The following DISC1 variants were observed in gnomAD, a reference collection of about 807,000 sequenced individuals.
The protein encoded by DISC1 is DISC1 scaffold protein.
In DISC1, 57 loss-of-function variants were observed where a neutral mutation model predicts 84.5. That is an observed-to-expected ratio of 0.67 (90% confidence interval 0.55 to 0.84). The LOEUF (loss-of-function observed/expected upper bound fraction) is 0.84. Ranked by LOEUF, DISC1 falls within the 40% of genes least tolerant of loss-of-function variation. The pLI is 0.00. For missense variants in DISC1, 1,000 were observed against 1,057.8 expected, an observed-to-expected ratio of 0.95 and a Z score of 0.76; for synonymous variants, 411 against 415.2, an observed-to-expected ratio of 0.99 and a Z score of 0.12.
chr1:231,654,159 G>A (rs1026152676), intron 1 of DISC1, among the ~76,000 whole-genome samples: 3 of 152,140 alleles, frequency 2.0e-5, no homozygotes, highest in South Asian at 2.1e-4. Context: ...AGGGGAGTCC[G>A]CCATCTTAGG....
chr1:231,746,285 C>T (rs1185615638), intron 3 of DISC1, among the ~76,000 whole-genome samples: 1 of 152,198 alleles, frequency 6.6e-6, no homozygotes, highest in Non-Finnish European at 1.5e-5. Flanking sequence ...GACAGGATTT[C>T]ATTCTTAATG....
chr1:231,691,201 CG>C (rs1177634956), intron 1 of DISC1, among the ~76,000 whole-genome samples: 7 of 151,976 alleles, frequency 4.6e-5, no homozygotes, highest in African/African-American at 1.4e-4. Flanking sequence ...GAGGCCTAGG[CG>C]GGGGGATCAC....
At chr1:231,774,989 A>C (rs190738113) in intron 6 of DISC1, among the ~76,000 whole-genome samples, 61 of 152,354 alleles carry the variant, frequency 4.0e-4, no homozygotes, top group Non-Finnish European at 5.6e-4. Flanking sequence ...AGCTGCCTTC[A>C]TTGTTCATGA....
intron 9 of DISC1, among the ~76,000 whole-genome samples, chr1:231,856,031 A>G (rs1444399516): frequency 1.3e-5 from 2 of 152,156 alleles, no homozygotes; most frequent in African/African-American, 4.8e-5. Context: ...TTTTGGCTTG[A>G]CGTGCATATG....
rs768593101 is a variant in DISC1 at position 231,897,140 on chromosome 1, A to G, written c.1982-61688A>G. Reference sequence around the variant, plus strand: ...GGTAAGACTTCAGAAAGGAAGTGACATTGGAGGTACATCTTGAAGGATGAG... The same window carrying G: ...GGTAAGACTTCAGAAAGGAAGTGACGTTGGAGGTACATCTTGAAGGATGAG... On this transcript the variant is annotated intron_variant, in intron 9 of 12. Transcript: ENST00000439617. This position sits in a 1 kb window ranked among gnomAD's most constrained non-coding sequence, Gnocchi z 4.5. 2.8e-4 allele frequency among the ~76,000 whole-genome samples: 42 copies of G among 152,194 alleles called. No homozygotes were observed. The highest frequency in any genetic ancestry group is 1.3e-4 in the Non-Finnish European group (9 of 68,032).
chr1:231,738,346 GT>G (rs1332262682), intron 3 of DISC1, among the ~76,000 whole-genome samples: 1 of 152,200 alleles, frequency 6.6e-6, no homozygotes, highest in East Asian at 1.9e-4. Context: ...GCATGCAGTT[GT>G]TGTAGCTCTT....
At chr1:232,035,761 T>C (rs755475058) in intron 12 of DISC1, among the ~76,000 whole-genome samples, 1 of 152,194 alleles carries the variant, frequency 6.6e-6, no homozygotes, top group Non-Finnish European at 1.5e-5. Flanking sequence ...GCATTTGCCT[T>C]AGAGTTGTTC....
intron 3 of DISC1, among the ~76,000 whole-genome samples, chr1:231,747,839 A>C (rs1442088082): frequency 2.6e-5 from 4 of 152,060 alleles, no homozygotes; most frequent in African/African-American, 7.2e-5. Context: ...CTGTTATTTT[A>C]ACAATATTAA....
intron 3 of DISC1, chr1:231,723,932 T>A: frequency 1.0e-6 from 1 of 985,462 alleles, no homozygotes; most frequent in Non-Finnish European, 1.2e-6. Flanking sequence ...CCTAGGTCAG[T>A]GGCTTTCACA....
At chr1:231,813,999 G>A (rs1254409165) in intron 8 of DISC1, among the ~76,000 whole-genome samples, 1 of 152,170 alleles carries the variant, frequency 6.6e-6, no homozygotes, top group Non-Finnish European at 1.5e-5. Context: ...AAACACATGA[G>A]TCTCAATAGG....
At chr1:231,886,832 TTTCC>T (rs1242103372) in intron 9 of DISC1, among the ~76,000 whole-genome samples, 7 of 123,634 alleles carry the variant, frequency 5.7e-5, no homozygotes, top group African/African-American at 9.1e-5. Flanking sequence ...TCTTTCTTTC[TTTCC>T]TTCTTTCTTT....
intron 9 of DISC1, among the ~76,000 whole-genome samples, chr1:231,870,964 A>G (rs2085414253): frequency 7.1e-6 from 1 of 141,422 alleles, no homozygotes; most frequent in African/African-American, 2.7e-5. Context: ...AATAAATGGG[A>G]ATCTCAGTTT....
intron 3 of DISC1, among the ~76,000 whole-genome samples, chr1:231,737,918 C>T (rs1002769642): frequency 4.6e-5 from 7 of 152,136 alleles, no homozygotes; most frequent in Non-Finnish European, 8.8e-5. Context: ...AGTGCAGTGG[C>T]ATGACATCGG....
chr1:231,691,614 AACC>A, intron 1 of DISC1, among the ~76,000 whole-genome samples: 1 of 152,364 alleles, frequency 6.6e-6, no homozygotes, highest in East Asian at 1.9e-4. Context: ...AGTCTTTTTA[AACC>A]ACAGACAGTA....
intron 9 of DISC1, among the ~76,000 whole-genome samples, chr1:231,901,213 G>A (rs201850638): frequency 2.0e-5 from 3 of 152,114 alleles, no homozygotes; most frequent in Non-Finnish European, 4.4e-5. Context: ...GTCTTCAAAC[G>A]GCTATCAGAG....
intron 3 of DISC1, among the ~76,000 whole-genome samples, chr1:231,733,425 T>G (rs2071900494): frequency 7.3e-6 from 1 of 137,314 alleles, no homozygotes; most frequent in African/African-American, 2.8e-5. Flanking sequence ...TGGTGGTGGT[T>G]GTAGGAATGG....
chr1:231,736,186 A>G (rs1167320980), intron 3 of DISC1, among the ~76,000 whole-genome samples: 1 of 152,170 alleles, frequency 6.6e-6, no homozygotes, highest in Non-Finnish European at 1.5e-5. Context: ...CTGGCAAGAC[A>G]GAGCTGAATG....
intron 3 of DISC1, among the ~76,000 whole-genome samples, chr1:231,703,304 G>A (rs544382905): frequency 1.3e-5 from 2 of 152,286 alleles, no homozygotes; most frequent in South Asian, 4.1e-4. Context: ...TTGCCTGAGA[G>A]AGGAGGCAAG....
chr1:231,852,209 G>A (rs1051231546), intron 9 of DISC1, among the ~76,000 whole-genome samples: 1 of 152,150 alleles, frequency 6.6e-6, no homozygotes, highest in African/African-American at 2.4e-5. Flanking sequence ...AATTTCAATC[G>A]ATTTTACTTT....
Sources: allele counts gnomAD v4.1 joint callset (sites outside exome capture counted in the v4.1 genomes callset), GRCh38; gene constraint gnomAD v4.1.1; non-coding constraint Gnocchi (gnomAD v3.1); transcripts MANE v1.5; gene names NCBI Gene and HGNC (gene_info 2026-07-23, HGNC 2026-07-21).